The following UNC13C variants were observed in gnomAD, a reference collection of about 807,000 sequenced individuals.
UNC13C encodes the protein unc-13 homolog C.
UNC13C carries 174 observed loss-of-function variants against 245.4 expected under a neutral mutation model. That is an observed-to-expected ratio of 0.71 (90% CI 0.63 to 0.80). UNC13C has a LOEUF of 0.80. Among genes scored for constraint, UNC13C ranks in the 30% least tolerant of loss-of-function variants. UNC13C has a pLI of 0.00. For missense variants in UNC13C, 2,829 were observed against 2,602.9 expected, an observed-to-expected ratio of 1.09 and a Z score of -1.89; for synonymous variants, 992 against 895.1, an observed-to-expected ratio of 1.11 and a Z score of -1.93.
intron 2 of UNC13C, among the ~76,000 whole-genome samples, chr15:54,107,297 C>T (rs1900496000): frequency 6.6e-6 from 1 of 151,924 alleles, no homozygotes; most frequent in African/African-American, 2.4e-5. Context: ...GGGAAAGAAA[C>T]ATCTATAACA....
intron 2 of UNC13C, chr15:54,048,637 C>T: frequency 2.7e-6 from 1 of 364,322 alleles, no homozygotes; most frequent in Non-Finnish European, 5.5e-6. Flanking sequence ...TTTTGATTAG[C>T]AACTGCCATA....
intron 2 of UNC13C, among the ~76,000 whole-genome samples, chr15:54,045,271 T>C (rs919661040): frequency 6.6e-6 from 1 of 152,220 alleles, no homozygotes; most frequent in Admixed American, 6.5e-5. Flanking sequence ...CTTTTTTATG[T>C]GGATATCTAG....
At chr15:54,458,518 A>G (rs966712684) in intron 19 of UNC13C, among the ~76,000 whole-genome samples, 4 of 151,962 alleles carry the variant, frequency 2.6e-5, no homozygotes, top group African/African-American at 7.2e-5. Flanking sequence ...TTTTGTTGCC[A>G]TCTATCTCAT....
chr15:54,222,779 C>A (rs938483374), intron 4 of UNC13C, among the ~76,000 whole-genome samples: 6 of 151,892 alleles, frequency 4.0e-5, no homozygotes, highest in Admixed American at 2.6e-4. Flanking sequence ...TGGATAAAAG[C>A]CATTTTTTAC....
At chr15:54,051,575 T>C (rs1053156351) in intron 2 of UNC13C, among the ~76,000 whole-genome samples, 3 of 152,098 alleles carry the variant, frequency 2.0e-5, no homozygotes, top group African/African-American at 7.2e-5. Context: ...ATAGCTGTGG[T>C]TCTATGATGG....
At chr15:54,469,351 A>T (rs950369656) in intron 19 of UNC13C, among the ~76,000 whole-genome samples, 4 of 151,500 alleles carry the variant, frequency 2.6e-5, no homozygotes, top group African/African-American at 9.7e-5. Flanking sequence ...GATTTTCTTT[A>T]TATAAAATCA....
chr15:53,976,473 C>CTTTTT (rs1164175117), upstream of UNC13C, among the ~76,000 whole-genome samples: 6 of 27,520 alleles, frequency 2.2e-4, no homozygotes, highest in Admixed American at 1.9e-3. Flanking sequence ...CTCTCTCTCT[C>CTTTTT]TCTCTTTTTT....
Position 54,622,314 on chromosome 15 carries a change from T to A in UNC13C, c.6107-13T>A, listed in dbSNP as rs1276933853. 6.3e-7 allele frequency: 1 copy of A among 1,599,454 alleles called. No homozygotes were observed. The highest frequency in any genetic ancestry group is 8.6e-7 in the Non-Finnish European group (1 of 1,166,846). On this transcript the variant is annotated splice_polypyrimidine_tract_variant and intron_variant, in intron 30 of 32. Coordinates refer to ENST00000260323, the MANE Select transcript of UNC13C (RefSeq NM_001080534.3). The stretch of plus-strand genomic sequence containing the variant: ...CTGAAAGCTCAGGCCAGTAAGCCTC[T>A]GCTTATTTTCAGGTCGTTCCTCCAA...
chr15:53,859,371 C>G, the UNC13C span, among the ~76,000 whole-genome samples: 1 of 152,074 alleles, frequency 6.6e-6, no homozygotes, highest in African/African-American at 2.4e-5. Context: ...CCAACCATTT[C>G]CAGATTTTAA....
intron 17 of UNC13C, among the ~76,000 whole-genome samples, chr15:54,351,751 G>C (rs1371460526): frequency 6.6e-6 from 1 of 151,908 alleles, no homozygotes; most frequent in African/African-American, 2.4e-5. Flanking sequence ...CATAAATAGT[G>C]GATATAATAG....
chr15:54,336,745 G>A (rs1165049779), intron 16 of UNC13C, among the ~76,000 whole-genome samples: 1 of 151,906 alleles, frequency 6.6e-6, no homozygotes, highest in Non-Finnish European at 1.5e-5. Context: ...TTTCTCCATT[G>A]AATTGCTTTC....
At chr15:53,859,442 G>A in the UNC13C span, among the ~76,000 whole-genome samples, 3 of 152,046 alleles carry the variant, frequency 2.0e-5, no homozygotes, top group African/African-American at 7.2e-5. Context: ...CAGGTTTGTC[G>A]ATATTTCTTA....
chr15:53,859,962 G>T, the UNC13C span, among the ~76,000 whole-genome samples: 3 of 152,104 alleles, frequency 2.0e-5, no homozygotes. Context: ...TTGCTCCTTG[G>T]AATTCCCACA....
intron 4 of UNC13C, among the ~76,000 whole-genome samples, chr15:54,201,659 A>T (rs1045989053): frequency 6.6e-6 from 1 of 151,934 alleles, no homozygotes; most frequent in Admixed American, 6.6e-5. Context: ...TAGAAGGGAC[A>T]TATGTTAAGG....
At chr15:54,389,925 C>G (rs1376495230) in intron 17 of UNC13C, among the ~76,000 whole-genome samples, 1 of 152,028 alleles carries the variant, frequency 6.6e-6, no homozygotes, top group African/African-American at 2.4e-5. Context: ...GATGGAGTTT[C>G]ACTATGTTGG....
At chr15:53,876,226 C>A in the UNC13C span, among the ~76,000 whole-genome samples, 1 of 152,142 alleles carries the variant, frequency 6.6e-6, no homozygotes, top group Non-Finnish European at 1.5e-5. Flanking sequence ...ACTAAACGAA[C>A]TCATCAATTC....
chr15:54,555,358 C>A, intron 28 of UNC13C, 74 bp from the exon 29 acceptor site: 1 of 1,221,848 alleles, frequency 8.2e-7, no homozygotes, highest in Non-Finnish European at 1.2e-6. Flanking sequence ...GGGGATAATA[C>A]AGATTATGTT....
chr15:54,486,924 G>A (rs1893444514), intron 19 of UNC13C, among the ~76,000 whole-genome samples: 3 of 152,164 alleles, frequency 2.0e-5, no homozygotes, highest in East Asian at 3.9e-4. Context: ...AAACATGCCA[G>A]TATGGCTTTA....
intron 2 of UNC13C, among the ~76,000 whole-genome samples, chr15:54,070,374 C>T (rs956462457): frequency 1.3e-5 from 2 of 152,056 alleles, no homozygotes; most frequent in Admixed American, 6.6e-5. Context: ...GAAGGCAGCC[C>T]GTGCCAACAG....
Sources: gnomAD v4.1 joint callset for allele counts (sites outside exome capture counted in the v4.1 genomes callset) on GRCh38, gnomAD v4.1.1 for gene constraint, MANE v1.5 for transcripts, NCBI Gene and HGNC (gene_info 2026-07-23, HGNC 2026-07-21) for gene names.